Variants in TMEM132C observed in about 807,000 individuals in gnomAD.
TMEM132C encodes the protein protein phosphatase 1, regulatory subunit 152.
TMEM132C carries 29 observed loss-of-function variants against 61.4 expected under a neutral mutation model. The observed-to-expected ratio is 0.47, with a 90% confidence interval of 0.35 to 0.64. TMEM132C has a LOEUF of 0.64. TMEM132C is among the 30% of genes least tolerant of loss of function. The pLI is 0.00. For missense variants in TMEM132C, 1,408 were observed against 1,476.9 expected (o/e 0.95, Z 0.76); for synonymous variants, 656 against 633.1 (o/e 1.04, Z -0.54).
At chr12:128,268,027 A>G (rs1870372709) in intron 1 of TMEM132C, among the ~76,000 whole-genome samples, 1 of 152,198 alleles carries the variant, frequency 6.6e-6, no homozygotes, top group South Asian at 2.1e-4. Flanking sequence ...CCCTAGAGGA[A>G]CGCTCACTCA....
intron 3 of TMEM132C, among the ~76,000 whole-genome samples, chr12:128,608,292 G>A (rs918513107): frequency 2.0e-5 from 3 of 152,160 alleles, no homozygotes; most frequent in East Asian, 1.9e-4. Flanking sequence ...GTCAAAAACC[G>A]ATTCTTCTAG....
At chr12:128,496,555 C>A (rs1354787701) in intron 2 of TMEM132C, among the ~76,000 whole-genome samples, 2 of 152,142 alleles carry the variant, frequency 1.3e-5, no homozygotes, top group African/African-American at 4.8e-5. Context: ...TTTCTATAAA[C>A]TTCTCTTCTC....
chr12:128,646,825 G>C (rs1470133466), intron 4 of TMEM132C, among the ~76,000 whole-genome samples: 2 of 152,090 alleles, frequency 1.3e-5, no homozygotes, highest in Non-Finnish European at 2.9e-5. Flanking sequence ...GAGTCCATCG[G>C]CATTGGATGT....
intron 1 of TMEM132C, among the ~76,000 whole-genome samples, chr12:128,374,918 C>CA (rs10601290): frequency 4.3e-4 from 55 of 126,900 alleles, no homozygotes; most frequent in African/African-American, 1.7e-3. Flanking sequence ...CCGTCTGTCT[C>CA]AAAAAAAAAA....
intron 2 of TMEM132C, among the ~76,000 whole-genome samples, chr12:128,452,165 C>T (rs1870195139): frequency 6.6e-6 from 1 of 152,034 alleles, no homozygotes. Context: ...GCGATCATGG[C>T]TCACTGCATC....
At chr12:128,535,933 A>G (rs1412848903) in intron 2 of TMEM132C, among the ~76,000 whole-genome samples, 1 of 152,106 alleles carries the variant, frequency 6.6e-6, no homozygotes, top group Non-Finnish European at 1.5e-5. Flanking sequence ...ACGCTTTTAC[A>G]CTGTTGGTGG....
chr12:128,367,349 T>C lies in TMEM132C; in HGVS notation c.86-47383T>C, dbSNP rs1306520691. On this transcript the variant is annotated intron_variant, in intron 1 of 8. Coordinates refer to ENST00000435159, the MANE Select transcript of TMEM132C (RefSeq NM_001136103.3). ...GATGCTAAATACTTGAGCTCTGTGT[T>C]CTGTGCTCATTATGCAAAATGGTCA... Among the ~76,000 whole-genome samples the C allele has an allele frequency of 2.6e-5, 4 of 152,246 alleles. No homozygotes were observed. The East Asian group carries it at 7.7e-4, about 29-fold the overall frequency.
chr12:128,540,628 C>T (rs1873704113), intron 2 of TMEM132C, among the ~76,000 whole-genome samples: 1 of 152,184 alleles, frequency 6.6e-6, no homozygotes, highest in Non-Finnish European at 1.5e-5. Context: ...CCTCCCCTCC[C>T]TGCGTTTGCC....
At position 128,705,295 on chromosome 12, in the gene TMEM132C, C is replaced by T; in HGVS notation, c.2327C>T (p.Ala776Val). Residue 776 changes from alanine (A) to valine (V), a missense_variant, in exon 9 of 9, where the codon GCC (alanine) becomes GTC (valine). Physicochemically the swap from Ala to Val is moderately conservative, Grantham distance 64. Coordinates refer to ENST00000435159, the MANE Select transcript of TMEM132C (RefSeq NM_001136103.3). Reference protein sequence around the residue: ...GPLIRVDMTIAEACQKSKRKS... With the variant: ...GPLIRVDMTIVEACQKSKRKS... Reference sequence around the variant, plus strand: ...CTGATCCGAGTGGACATGACGATCGCCGAGGCCTGCCAGAAATCTAAACGC... The same window carrying T: ...CTGATCCGAGTGGACATGACGATCGTCGAGGCCTGCCAGAAATCTAAACGC... 6.4e-7 allele frequency: 1 copy of T among 1,551,418 alleles called. No individual in the cohort carries two copies. The highest frequency in any genetic ancestry group is 8.7e-7 in the Non-Finnish European group (1 of 1,146,848).
intron 5 of TMEM132C, among the ~76,000 whole-genome samples, chr12:128,688,511 T>C (rs1954694990): frequency 1.3e-5 from 2 of 151,786 alleles, no homozygotes; most frequent in Middle Eastern, 3.4e-3. Context: ...ACAAATAATA[T>C]GGTAGAGAGA....
intron 3 of TMEM132C, among the ~76,000 whole-genome samples, chr12:128,589,615 G>A (rs960493865): frequency 2.1e-5 from 3 of 146,104 alleles, no homozygotes; most frequent in African/African-American, 7.6e-5. Flanking sequence ...AGCATGAAAA[G>A]CTGTCATAAA....
intron 2 of TMEM132C, among the ~76,000 whole-genome samples, chr12:128,508,527 T>G (rs1872458665): frequency 6.6e-6 from 1 of 152,200 alleles, no homozygotes; most frequent in Non-Finnish European, 1.5e-5. Context: ...CAGTGGGGTT[T>G]GCCTCCTGTC....
intron 3 of TMEM132C, among the ~76,000 whole-genome samples, chr12:128,567,105 C>T: frequency 6.6e-6 from 1 of 152,044 alleles, no homozygotes; most frequent in East Asian, 1.9e-4. Context: ...GAAAACATCC[C>T]AACCCACTTT....
intron 2 of TMEM132C, among the ~76,000 whole-genome samples, chr12:128,426,708 C>CAGCT (rs1253655866): frequency 1.3e-5 from 2 of 152,150 alleles, no homozygotes; most frequent in Non-Finnish European, 2.9e-5. Context: ...TCCCCCTCCG[C>CAGCT]AGCTCCCCAT....
intron 1 of TMEM132C, among the ~76,000 whole-genome samples, chr12:128,276,507 T>G (rs1368403239): frequency 6.6e-6 from 1 of 152,204 alleles, no homozygotes; most frequent in Non-Finnish European, 1.5e-5. Flanking sequence ...TAATTCCATC[T>G]GGCTTAGTGT....
intron 2 of TMEM132C, among the ~76,000 whole-genome samples, chr12:128,458,785 A>T (rs1870434577): frequency 6.6e-6 from 1 of 152,182 alleles, no homozygotes; most frequent in Non-Finnish European, 1.5e-5. Context: ...TCTGGAAGGG[A>T]TACTCACAGT....
intron 2 of TMEM132C, among the ~76,000 whole-genome samples, chr12:128,431,373 C>A (rs146029403): frequency 6.6e-6 from 1 of 152,090 alleles, no homozygotes; most frequent in African/African-American, 2.4e-5. Context: ...GGAAAGAAAT[C>A]ATCTCCATAA....
intron 2 of TMEM132C, among the ~76,000 whole-genome samples, chr12:128,435,851 G>A (rs1340257851): frequency 6.6e-6 from 1 of 152,104 alleles, no homozygotes; most frequent in Non-Finnish European, 1.5e-5. Flanking sequence ...ACAATCCTAA[G>A]CAAAAAGAAC....
intron 4 of TMEM132C, among the ~76,000 whole-genome samples, chr12:128,641,419 G>C (rs1408590921): frequency 6.6e-6 from 1 of 152,218 alleles, no homozygotes; most frequent in Non-Finnish European, 1.5e-5. Flanking sequence ...AAGTGATTAA[G>C]TGAAGGATCA....
Sources: gnomAD v4.1 joint callset for allele counts (sites outside exome capture counted in the v4.1 genomes callset) on GRCh38, gnomAD v4.1.1 for gene constraint, MANE v1.5 for transcripts, NCBI Gene and HGNC (gene_info 2026-07-23, HGNC 2026-07-21) for gene names.